CDH9: variants seen among roughly 807,000 people sequenced by gnomAD.
The protein encoded by CDH9 is cadherin-9.
CDH9 carries 28 observed loss-of-function variants against 70.9 expected under a neutral mutation model. That is an observed-to-expected ratio of 0.40 (90% CI 0.29 to 0.54). CDH9 has a LOEUF of 0.54. Ranked by LOEUF, CDH9 falls within the 20% of genes least tolerant of loss-of-function variation. The probability of loss-of-function intolerance (pLI) is 0.59; values close to 1 mark genes in which losing one functional copy is unlikely to be tolerated. For missense variants in CDH9, 874 were observed against 984.4 expected (o/e 0.89, Z 1.50); for synonymous variants, 409 against 343.1 (o/e 1.19, Z -2.12).
chr5:27,011,847 C>T (rs1188692781), intron 1 of CDH9, among the ~76,000 whole-genome samples: 2 of 151,858 alleles, frequency 1.3e-5, no homozygotes, highest in Non-Finnish European at 2.9e-5. Context: ...TGGCAAGGCA[C>T]CAATCTCTCT....
At chr5:26,966,576 C>T (rs1228989357) in intron 2 of CDH9, among the ~76,000 whole-genome samples, 1 of 152,142 alleles carries the variant, frequency 6.6e-6, no homozygotes, top group Non-Finnish European at 1.5e-5. Flanking sequence ...TAGCTTTCTT[C>T]AAGTTTTCTT....
rs767431394 is a variant in CDH9 at position 27,031,674 on chromosome 5, G to T, written c.-50+6789C>A. ...TGATCCCAAAGCCAATGCTTTATCT[G>T]TCAACTAGCAAACTTGCATGCCTAA... On this transcript the variant is annotated intron_variant, in intron 1 of 11. Transcript: ENST00000231021. Among the ~76,000 whole-genome samples, 93 of 151,886 alleles carry T rather than the reference G, an allele frequency of 6.1e-4. 1 individual carries two copies. Among genetic ancestry groups the T allele is most frequent in the Middle Eastern group, 3.2e-3 (1 of 316 alleles).
intron 1 of CDH9, among the ~76,000 whole-genome samples, chr5:27,012,150 T>A (rs1017652515): frequency 2.3e-4 from 35 of 152,062 alleles, no homozygotes; most frequent in African/African-American, 8.2e-4. Context: ...ATTTTCAGCA[T>A]ACAACCTATG....
In CDH9 at chr5:26,880,893, A is replaced by G. The variant is rs928846631; in HGVS notation, c.*243T>C. 28 of 336,112 alleles carry G rather than the reference A, an allele frequency of 8.3e-5. No homozygotes were observed. Among genetic ancestry groups the G allele is most frequent in the African/African-American group, 2.8e-4 (13 of 47,132 alleles). 20.8% of individuals were successfully genotyped at this position (336,112 alleles called of 1,614,324 possible). A position where few individuals can be genotyped will look rare whatever the true frequency, so the allele number is the denominator to read the frequency against. On this transcript the variant is annotated 3_prime_UTR_variant, in exon 12 of 12. Transcript: ENST00000231021. ...TATTTTTATTGATTATTGATGTGAT[A>G]TATTTTCCTTCCGAGATTGTTAGGC... is the stretch of plus-strand genomic sequence containing the variant.
intron 1 of CDH9, among the ~76,000 whole-genome samples, chr5:27,015,822 G>T (rs1182389100): frequency 6.6e-6 from 1 of 151,560 alleles, no homozygotes; most frequent in East Asian, 1.9e-4. Flanking sequence ...GTATATGAGG[G>T]TCACCTGTGT....
At chr5:26,944,971 A>ACT (rs10630155) in intron 2 of CDH9, among the ~76,000 whole-genome samples, 125,305 of 152,012 alleles carry the variant, frequency 0.82, 53,309 homozygotes, top group East Asian at 0.99. Flanking sequence ...TCTGAGTGAA[A>ACT]CTATCATCCA....
At chr5:26,925,618 C>G (rs1232032639) in intron 2 of CDH9, among the ~76,000 whole-genome samples, 2 of 152,082 alleles carry the variant, frequency 1.3e-5, no homozygotes, top group Non-Finnish European at 2.9e-5. Context: ...TCCTGAAGTC[C>G]TCGTCCATGC....
intron 2 of CDH9, among the ~76,000 whole-genome samples, chr5:26,958,313 G>A (rs1329122206): frequency 6.6e-6 from 1 of 152,154 alleles, no homozygotes; most frequent in African/African-American, 2.4e-5. Flanking sequence ...TTGTGAAAGA[G>A]ACGGTTTGTA....
At position 26,883,041 on chromosome 5, in the gene CDH9, T is replaced by TTAGAGATATA. The variant is rs1221330777; in HGVS notation, c.1883-1419_1883-1418insTATATCTCTA. On this transcript the variant is annotated intron_variant, in intron 11 of 11. Coordinates refer to ENST00000231021, the MANE Select transcript of CDH9 (RefSeq NM_016279.4). ...AAGCTGAGCTATATTCAGGATCATC[T>TTAGAGATATA]TATATATATATATATATATATATAT... Among the ~76,000 whole-genome samples, 64 of 58,014 alleles carry TTAGAGATATA rather than the reference T, an allele frequency of 1.1e-3. 14 individuals carry two copies. Among genetic ancestry groups the TTAGAGATATA allele is most frequent in the Admixed American group, 2.4e-3 (11 of 4,604 alleles). 38.1% of individuals were successfully genotyped at this position (58,014 alleles called of 152,430 possible).
At chr5:26,910,914 C>A (rs757420563) in intron 3 of CDH9, among the ~76,000 whole-genome samples, 3 of 152,070 alleles carry the variant, frequency 2.0e-5, no homozygotes, top group African/African-American at 7.2e-5. Context: ...GCTGTGGGGG[C>A]CACTAATAAG....
At chr5:26,935,309 C>A (rs1579461152) in intron 2 of CDH9, among the ~76,000 whole-genome samples, 1 of 152,074 alleles carries the variant, frequency 6.6e-6, no homozygotes, top group Non-Finnish European at 1.5e-5. Flanking sequence ...AGATGCTTTA[C>A]CCCTAACATG....
rs553927352 is a variant in CDH9 at position 26,967,368 on chromosome 5, T to G, written c.228+20738A>C. The stretch of plus-strand genomic sequence containing the variant: ...TCTAAGTTTTTCTAAAACAGTAGAC[T>G]TGCTCATGAGTTTCAGGACCAGGAG... On this transcript the variant is annotated intron_variant, in intron 2 of 11. Coordinates refer to ENST00000231021, the MANE Select transcript of CDH9 (RefSeq NM_016279.4). Among the ~76,000 whole-genome samples, 40 of 152,290 alleles carry G rather than the reference T, an allele frequency of 2.6e-4. No homozygotes were observed. The South Asian group carries it at 7.5e-3, about 28-fold the overall frequency.
At chr5:27,013,292 A>T (rs1742989313) in intron 1 of CDH9, among the ~76,000 whole-genome samples, 1 of 151,910 alleles carries the variant, frequency 6.6e-6, no homozygotes, top group Non-Finnish European at 1.5e-5. Context: ...AACATTTGTA[A>T]AAGTTTTCTC....
intron 7 of CDH9, among the ~76,000 whole-genome samples, chr5:26,898,537 C>T (rs1333838504): frequency 2.0e-5 from 3 of 152,098 alleles, no homozygotes; most frequent in African/African-American, 7.2e-5. Flanking sequence ...GCCATCTGAT[C>T]TTTGACAAAC....
chr5:26,940,184 AT>A (rs962365697), intron 2 of CDH9, among the ~76,000 whole-genome samples: 5 of 151,376 alleles, frequency 3.3e-5, no homozygotes, highest in Non-Finnish European at 7.4e-5. Flanking sequence ...AAGAAAGGAG[AT>A]TTTTTTGACA....
intron 1 of CDH9, among the ~76,000 whole-genome samples, chr5:27,014,209 C>A (rs1403033732): frequency 6.6e-6 from 1 of 151,944 alleles, no homozygotes; most frequent in Non-Finnish European, 1.5e-5. Flanking sequence ...TACAGAATTA[C>A]CCCCACTTCC....
At position 26,881,339 on chromosome 5, in the gene CDH9, T is replaced by G; in HGVS notation, c.2167A>C (p.Asn723His). 6.2e-7 allele frequency: 1 copy of G among 1,613,086 alleles called. No individual in the cohort carries two copies. Among genetic ancestry groups the G allele is most frequent in the Non-Finnish European group, 8.5e-7 (1 of 1,179,280 alleles). ...GGAGGTGCACTTGGGTCTGCGTCGT[T>G]TTCTTTTAATCTTCGATGGATAAAA... ...QDFIHRRLKE[N>H]DADPSAPPYD... Residue 723 changes from asparagine to histidine, a missense_variant, in exon 12 of 12, where the codon AAC becomes CAC. Physicochemically the swap from Asn to His is moderately conservative, Grantham distance 68. Coordinates refer to ENST00000231021, the MANE Select transcript of CDH9 (RefSeq NM_016279.4).
At chr5:26,900,356 T>C (rs1245489455) in intron 7 of CDH9, among the ~76,000 whole-genome samples, 1 of 152,052 alleles carries the variant, frequency 6.6e-6, no homozygotes, top group Non-Finnish European at 1.5e-5. Context: ...ACTTCCATTT[T>C]ACCAAATTTA....
At chr5:26,954,262 A>G (rs2112051474) in intron 2 of CDH9, among the ~76,000 whole-genome samples, 1 of 152,224 alleles carries the variant, frequency 6.6e-6, no homozygotes, top group South Asian at 2.1e-4. Context: ...TTCTTTCTGT[A>G]AGTGTATAAA....
Sources: allele counts gnomAD v4.1 joint callset (sites outside exome capture counted in the v4.1 genomes callset), GRCh38; gene constraint gnomAD v4.1.1; transcripts MANE v1.5; gene names NCBI Gene and HGNC (gene_info 2026-07-23, HGNC 2026-07-21).